HEXA: variants seen among roughly 807,000 people sequenced by gnomAD.
HEXA encodes hexosaminidase subunit alpha.
In HEXA, 54 loss-of-function variants were observed where a neutral mutation model predicts 73.3. The ratio of observed to expected loss-of-function variants is 0.74; its 90% CI spans 0.59 to 0.92. HEXA has a LOEUF of 0.92. Ranked by LOEUF, HEXA falls within the 40% of genes least tolerant of loss-of-function variation. The pLI is 0.00. For missense variants in HEXA, 649 were observed against 653.0 expected, an observed-to-expected ratio of 0.99 and a Z score of 0.07; for synonymous variants, 230 against 246.9, an observed-to-expected ratio of 0.93 and a Z score of 0.64.
intron 2 of HEXA, chr15:72,355,893 T>C (rs949399692): frequency 3.6e-6 from 2 of 552,568 alleles, no homozygotes; most frequent in African/African-American, 1.9e-5. Context: ...TGGAGGTCTG[T>C]ACAAAGCACC....
chr15:72,375,786 C>T lies in HEXA; in HGVS notation c.187G>A (p.Glu63Lys), dbSNP rs759092928. 2.5e-6 allele frequency: 4 copies of T among 1,614,246 alleles called. No homozygotes were observed. Among genetic ancestry groups the T allele is most frequent in the Non-Finnish European group, 2.5e-6 (3 of 1,180,038 alleles). Residue 63 changes from glutamate (E) to lysine (K), a missense_variant, in exon 1 of 14, where the codon GAG (glutamate) becomes AAG (lysine). Coordinates refer to ENST00000268097, the MANE Select transcript of HEXA (RefSeq NM_000520.6). ...AGGTCACGATAGCGCTGGAAGGCCT[C>T]GTCGAGGACTGAGCAGCCGGGCTGC... ...AAQPGCSVLD[E>K]AFQRYRDLLF...
intron 5 of HEXA, chr15:72,351,645 T>C (rs1369766792): frequency 3.4e-6 from 1 of 296,322 alleles, no homozygotes; most frequent in Non-Finnish European, 6.6e-6. Context: ...GGGAACTTAG[T>C]AGCCTCTTAA....
At chr15:72,355,448 C>T (rs2088762825) in intron 3 of HEXA, 111 bp downstream of exon 3, 9 of 799,984 alleles carry the variant, frequency 1.1e-5, no homozygotes, top group Non-Finnish European at 2.0e-5. Flanking sequence ...ATTGCTTGAG[C>T]CTAGGAGGCA....
chr15:72,370,529 A>C lies in HEXA; in HGVS notation c.253+5191T>G, dbSNP rs2088976407. ...AACACAGTAAGACCCCCATCTCTAC[A>C]AAATGCAAAAAATAAAAAAATTAGC... On this transcript the variant is annotated intron_variant, in intron 1 of 13. Transcript: ENST00000268097. The C allele has an allele frequency of 7.5e-6, 3 of 397,356 alleles. No homozygotes were observed. In the South Asian group the frequency reaches 3.9e-4, roughly 51 times the overall value. 24.6% of individuals were successfully genotyped at this position (397,356 alleles called of 1,614,324 possible).
At position 72,345,453 on chromosome 15, in the gene HEXA, A is replaced by G; in HGVS notation, c.1519T>C (p.Leu507=). The change falls in exon 13 of 14, where the codon TTG becomes CTG. Residue 507 remains leucine (L), a synonymous_variant. Coordinates refer to ENST00000268097, the MANE Select transcript of HEXA (RefSeq NM_000520.6). Reference sequence around the variant, plus strand: ...GCCCCACAGCTTGCTTACCTCAGCAATTCACAGCGGAAGTGTGACAAACGT... The same window carrying G: ...GCCCCACAGCTTGCTTACCTCAGCAGTTCACAGCGGAAGTGTGACAAACGT... ...YERLSHFRCE[L]LRRGVQAQPL... is the part of the protein sequence containing the mutation. 6.2e-7 allele frequency: 1 copy of G among 1,614,128 alleles called. No individual in the cohort carries two copies. Among genetic ancestry groups the G allele is most frequent in the Non-Finnish European group, 8.5e-7 (1 of 1,179,998 alleles).
chr15:72,354,074 G>A, intron 3 of HEXA: 1 of 346,070 alleles, frequency 2.9e-6, no homozygotes. Flanking sequence ...TACTCATGAG[G>A]ACAGACACAG....
intron 1 of HEXA, among the ~76,000 whole-genome samples, chr15:72,367,884 T>A (rs1434339060): frequency 5.3e-5 from 8 of 152,242 alleles, no homozygotes. Flanking sequence ...GAAAGCCTTT[T>A]CAATGTGCAC....
intron 1 of HEXA, chr15:72,357,144 G>A: frequency 4.4e-6 from 1 of 228,942 alleles, no homozygotes. Flanking sequence ...CTTACATTCT[G>A]GTACATATGC....
chr15:72,355,605 A>G lies in HEXA; in HGVS notation c.366T>C (p.Asp122=), dbSNP rs1302430521. The change falls in exon 3 of 14, where the codon GAT becomes GAC. Residue 122 remains aspartate, a synonymous_variant. Transcript: ENST00000268097. Reference sequence around the variant, plus strand: ...TCTCAGAGAGGAGTAAACACTGGTCATCATTTATGGTCAGGGTATCTGAAA... The same window carrying G: ...TCTCAGAGAGGAGTAAACACTGGTCGTCATTTATGGTCAGGGTATCTGAAA... ...SVENYTLTIN[D]DQCLLLSETV... 1 of 1,611,458 alleles carries G rather than the reference A, an allele frequency of 6.2e-7. No homozygotes were observed. The highest frequency in any genetic ancestry group is 8.5e-7 in the Non-Finnish European group (1 of 1,177,562).
In HEXA at chr15:72,356,533, ACT is replaced by A. The variant is rs1567300737; in HGVS notation, c.336_337del (p.Val113GlyfsTer9). 6.2e-7 allele frequency: 1 copy of A among 1,614,044 alleles called. No individual in the cohort carries two copies. Among genetic ancestry groups the A allele is most frequent in the South Asian group, 1.1e-5 (1 of 91,082 alleles). Reference sequence around the variant, plus strand: ...AACAGGATGGTACTTACAATTCTCCACTGACTCCAAAGTAGGAAGCTGGTTAC... The same window carrying A: ...AACAGGATGGTACTTACAATTCTCCAGACTCCAAAGTAGGAAGCTGGTTAC... On this transcript the variant is annotated frameshift_variant, in exon 2 of 14. Coordinates refer to ENST00000268097, the MANE Select transcript of HEXA (RefSeq NM_000520.6). LOFTEE classifies it high-confidence loss of function.
At chr15:72,366,536 C>T (rs2088918488) in intron 1 of HEXA, among the ~76,000 whole-genome samples, 1 of 152,100 alleles carries the variant, frequency 6.6e-6, no homozygotes, top group East Asian at 1.9e-4. Context: ...GTCTCGAACT[C>T]CTGACCTCAA....
chr15:72,348,281 T>C (rs1174083691), intron 8 of HEXA, 147 bp from the exon 9 acceptor site: 8 of 694,890 alleles, frequency 1.2e-5, no homozygotes, highest in South Asian at 9.3e-5. Context: ...ATGTGGAAAG[T>C]GTGGCCAAGC....
At chr15:72,375,633 C>T (rs944986036) in intron 1 of HEXA, 87 bp downstream of exon 1, 14 of 1,496,338 alleles carry the variant, frequency 9.4e-6, no homozygotes, top group Middle Eastern at 1.7e-4. Flanking sequence ...GACAAAAGCC[C>T]ATAGGGCGTC....
At chr15:72,357,448 T>C (rs16956783) in intron 1 of HEXA, 5,304 of 152,452 alleles carry the variant, frequency 0.035, 150 homozygotes, top group East Asian at 0.12. Context: ...CCCTTGTCTA[T>C]GCAGAAAAAA....
Position 72,344,020 on chromosome 15 carries a change from G to T in HEXA, c.*57C>A. 6.9e-7 allele frequency: 1 copy of T among 1,455,880 alleles called. No individual in the cohort carries two copies. The highest frequency in any genetic ancestry group is 2.3e-5 in the East Asian group (1 of 44,136). The allele number at this position is 1,455,880 out of a possible 1,614,324, so 90.2% of individuals were successfully genotyped here. ...TCCGTCCCCTGGCCAGGATGCAGTGGAAGCCTGGCTCCACTACCATTCACC... is the reference window on the plus strand; with the variant it reads ...TCCGTCCCCTGGCCAGGATGCAGTGTAAGCCTGGCTCCACTACCATTCACC... On this transcript the variant is annotated 3_prime_UTR_variant, in exon 14 of 14. Transcript: ENST00000268097.
At chr15:72,344,802 T>C (rs868277145) in intron 13 of HEXA, among the ~76,000 whole-genome samples, 1 of 152,170 alleles carries the variant, frequency 6.6e-6, no homozygotes, top group Admixed American at 6.5e-5. Flanking sequence ...ACTCAAGACC[T>C]AGCCAACGAA....
Position 72,346,619 on chromosome 15 carries a change from C to T in HEXA, c.1238G>A (p.Arg413Gln), listed in dbSNP as rs766988109. 8.1e-6 allele frequency: 13 copies of T among 1,614,022 alleles called. 1 individual carries two copies. The highest frequency in any genetic ancestry group is 1.7e-5 in the Admixed American group (1 of 60,012). The change falls in exon 11 of 14, where the codon CGG becomes CAG. Residue 413 changes from arginine to glutamine, a missense_variant. By Grantham distance (43) the Arg-to-Gln change is conservative (BLOSUM62 1). Coordinates refer to ENST00000268097, the MANE Select transcript of HEXA (RefSeq NM_000520.6). ...ELELVTKAGF[R>Q]ALLSAPWYLN... ...GTACCAGGGGGCAGAGAGAAGGGCC[C>T]GGAAGCCGGCCTTGGTGACCAGTTC...
At chr15:72,362,663 C>T (rs2088866334) in intron 1 of HEXA, among the ~76,000 whole-genome samples, 1 of 152,224 alleles carries the variant, frequency 6.6e-6, no homozygotes, top group South Asian at 2.1e-4. Context: ...TTTTCAGACA[C>T]TGCTCTGAAG....
intron 6 of HEXA, 131 bp from the exon 7 acceptor site, chr15:72,350,781 C>T: frequency 1.1e-6 from 1 of 914,756 alleles, no homozygotes; most frequent in South Asian, 1.4e-5. Flanking sequence ...CAGGGACTAT[C>T]TTCAAAAAAC....
Sources: allele counts gnomAD v4.1 joint callset (sites outside exome capture counted in the v4.1 genomes callset), GRCh38; gene constraint gnomAD v4.1.1; transcripts MANE v1.5; gene names NCBI Gene and HGNC (gene_info 2026-07-23, HGNC 2026-07-21).